Variants in DPYD observed in about 807,000 individuals in gnomAD.
DPYD encodes dihydropyrimidine dehydrogenase.
Under a neutral mutation model 116.2 loss-of-function variants are expected in DPYD, and 109 were observed. The ratio of observed to expected loss-of-function variants is 0.94; its 90% CI spans 0.80 to 1.10. The LOEUF is 1.10. Ranked by LOEUF, DPYD falls within the 50% of genes least tolerant of loss-of-function variation. The probability of loss-of-function intolerance (pLI) is 0.00; values close to 1 mark genes in which losing one functional copy is unlikely to be tolerated. For missense variants in DPYD, 1,302 were observed against 1,254.5 expected (o/e 1.04, Z -0.57); for synonymous variants, 440 against 432.0 (o/e 1.02, Z -0.23).
chr1:97,102,231 C>T (rs920488560), intron 20 of DPYD, among the ~76,000 whole-genome samples: 10 of 151,622 alleles, frequency 6.6e-5, no homozygotes, highest in African/African-American at 2.4e-4. Flanking sequence ...TGCCTAATAG[C>T]ACTAGTCTGT....
At chr1:97,094,291 A>G (rs1355933738) in intron 21 of DPYD, among the ~76,000 whole-genome samples, 14 of 152,106 alleles carry the variant, frequency 9.2e-5, no homozygotes, top group Non-Finnish European at 2.9e-5. Flanking sequence ...GATAAAACAA[A>G]CAGTCCTACA....
intron 1 of DPYD, among the ~76,000 whole-genome samples, chr1:97,898,539 G>A (rs1418236524): frequency 6.6e-6 from 1 of 151,866 alleles, no homozygotes; most frequent in African/African-American, 2.4e-5. Flanking sequence ...TTGATAGCCA[G>A]TATCTTAAAA....
chr1:97,537,098 T>C (rs1238728734), intron 12 of DPYD, among the ~76,000 whole-genome samples: 8 of 152,244 alleles, frequency 5.3e-5, no homozygotes, highest in Non-Finnish European at 1.2e-4. Flanking sequence ...AAGTTGGGAC[T>C]GAAGGTCTTC....
intron 8 of DPYD, among the ~76,000 whole-genome samples, chr1:97,652,216 G>A (rs1445585813): frequency 1.3e-5 from 2 of 152,040 alleles, no homozygotes; most frequent in Non-Finnish European, 2.9e-5. Context: ...TGCTGCAAAA[G>A]AGAATTTTAG....
At chr1:97,517,452 C>T (rs909545631) in intron 12 of DPYD, among the ~76,000 whole-genome samples, 1 of 151,808 alleles carries the variant, frequency 6.6e-6, no homozygotes, top group Non-Finnish European at 1.5e-5. Flanking sequence ...AGCAGTAAAC[C>T]GAATATATAC....
chr1:97,521,714 T>C (rs1327605811), intron 12 of DPYD, among the ~76,000 whole-genome samples: 10 of 152,006 alleles, frequency 6.6e-5, no homozygotes, highest in Non-Finnish European at 2.9e-5. Context: ...AACAGAGACA[T>C]AGACCAATGG....
intron 11 of DPYD, among the ~76,000 whole-genome samples, chr1:97,572,406 T>C (rs1652963752): frequency 1.3e-5 from 2 of 151,920 alleles, no homozygotes; most frequent in Admixed American, 1.3e-4. Context: ...TTCAGGTTTG[T>C]TTAGGAAAAT....
chr1:97,246,179 C>G (rs1043326788), intron 18 of DPYD, among the ~76,000 whole-genome samples: 3 of 152,138 alleles, frequency 2.0e-5, no homozygotes, highest in African/African-American at 7.2e-5. Context: ...TTGACAATAA[C>G]ATTTCTTCCT....
intron 13 of DPYD, among the ~76,000 whole-genome samples, chr1:97,459,742 T>G (rs1676912498): frequency 6.6e-6 from 1 of 151,892 alleles, no homozygotes; most frequent in African/African-American, 2.4e-5. Flanking sequence ...GTAGAGAAAA[T>G]TAATGAACTA....
At chr1:97,567,927 T>C (rs1652643987) in intron 11 of DPYD, among the ~76,000 whole-genome samples, 1 of 152,140 alleles carries the variant, frequency 6.6e-6, no homozygotes, top group African/African-American at 2.4e-5. Context: ...AACGTGTAGG[T>C]TTGTTACGTA....
intron 3 of DPYD, among the ~76,000 whole-genome samples, chr1:97,745,217 T>C (rs1664482945): frequency 6.6e-6 from 1 of 152,130 alleles, no homozygotes; most frequent in African/African-American, 2.4e-5. Context: ...TCTATTATAC[T>C]GAGCTGGCAG....
At position 97,205,664 on chromosome 1, in the gene DPYD, AT is replaced by A. The variant is rs1343059086; in HGVS notation, c.2443-12417del. On this transcript the variant is annotated intron_variant, in intron 19 of 22. Transcript: ENST00000370192. ...ATATCCATAGTACAATTTCCATAAT[AT>A]TTTTATAGCTAGTTTATCCAAGCCT... Among the ~76,000 whole-genome samples the A allele has an allele frequency of 2.0e-5, 3 of 152,226 alleles. No individual in the cohort carries two copies. The East Asian group carries it at 5.8e-4, about 29-fold the overall frequency.
At chr1:97,257,552 T>C (rs1663579953) in intron 18 of DPYD, among the ~76,000 whole-genome samples, 1 of 151,464 alleles carries the variant, frequency 6.6e-6, no homozygotes, top group Non-Finnish European at 1.5e-5. Context: ...TATATATGTA[T>C]ACGTATATAT....
At chr1:97,344,903 A>G (rs1669767205) in intron 16 of DPYD, among the ~76,000 whole-genome samples, 1 of 151,932 alleles carries the variant, frequency 6.6e-6, no homozygotes, top group Non-Finnish European at 1.5e-5. Context: ...GATGCTGCAA[A>G]ATGCTTTCCC....
At chr1:97,665,879 T>C (rs1659530289) in intron 8 of DPYD, among the ~76,000 whole-genome samples, 1 of 152,186 alleles carries the variant, frequency 6.6e-6, no homozygotes, top group Admixed American at 6.5e-5. Flanking sequence ...GGATGGCTTT[T>C]TGTTATTTCC....
At chr1:97,266,688 C>T (rs1402689572) in intron 18 of DPYD, among the ~76,000 whole-genome samples, 1 of 152,078 alleles carries the variant, frequency 6.6e-6, no homozygotes, top group Non-Finnish European at 1.5e-5. Context: ...CTGCCCCCCA[C>T]CTCATGACAG....
At position 97,699,363 on chromosome 1, in the gene DPYD, ACAT is replaced by A. The variant is rs962386178; in HGVS notation, c.665_667del (p.Tyr222_Val223delinsPhe). 1.9e-6 allele frequency: 3 copies of A among 1,613,392 alleles called. No homozygotes were observed. Among genetic ancestry groups the A allele is most frequent in the Non-Finnish European group, 2.5e-6 (3 of 1,179,556 alleles). ...ATGTAGGCATTACCTTAAACCACCA[ACAT>A]ATTCTTGTTTTTCAAATATAGTGAT... On this transcript the variant is annotated inframe_deletion, in exon 6 of 23. Transcript: ENST00000370192.
At chr1:97,671,393 A>G (rs1244489622) in intron 8 of DPYD, among the ~76,000 whole-genome samples, 1 of 152,204 alleles carries the variant, frequency 6.6e-6, no homozygotes, top group Admixed American at 6.5e-5. Flanking sequence ...TCTGATATTC[A>G]GCACAGTAAT....
At chr1:97,331,248 A>G (rs538784971) in intron 16 of DPYD, among the ~76,000 whole-genome samples, 1 of 152,246 alleles carries the variant, frequency 6.6e-6, no homozygotes, top group East Asian at 1.9e-4. Context: ...TCAAGACAGG[A>G]GGATCGCTTG....
Sources: allele counts gnomAD v4.1 joint callset (sites outside exome capture counted in the v4.1 genomes callset), GRCh38; gene constraint gnomAD v4.1.1; transcripts MANE v1.5; gene names NCBI Gene and HGNC (gene_info 2026-07-23, HGNC 2026-07-21).